The following ERC2 variants were observed in gnomAD, a reference collection of about 807,000 sequenced individuals.
ERC2 encodes ERC protein 2.
Under a neutral mutation model 114.8 loss-of-function variants are expected in ERC2, and 42 were observed. The observed-to-expected ratio is 0.37, with a 90% CI of 0.29 to 0.47. The LOEUF is 0.47. ERC2 is among the 20% of genes least tolerant of loss of function. The pLI is 0.99. For missense variants in ERC2, 939 were observed against 1,150.7 expected (o/e 0.82, Z 2.66); for synonymous variants, 454 against 425.5 (o/e 1.07, Z -0.82).
At chr3:55,922,265 A>G (rs2065472567) in intron 13 of ERC2, among the ~76,000 whole-genome samples, 1 of 152,108 alleles carries the variant, frequency 6.6e-6, no homozygotes. Flanking sequence ...TTGCTTCACT[A>G]AAATATAGCC....
intron 3 of ERC2, among the ~76,000 whole-genome samples, chr3:56,261,647 C>T (rs2052937744): frequency 6.6e-6 from 1 of 152,184 alleles, no homozygotes; most frequent in Admixed American, 6.5e-5. Flanking sequence ...CCACTTCCTA[C>T]AGGGAGCCTT....
chr3:56,374,158 G>A (rs771831668), intron 2 of ERC2, among the ~76,000 whole-genome samples: 14 of 152,170 alleles, frequency 9.2e-5, no homozygotes, highest in Non-Finnish European at 1.3e-4. Context: ...GTGCAGAGGC[G>A]AGATCTCAGC....
At chr3:56,007,810 G>T (rs1004514242) in intron 9 of ERC2, among the ~76,000 whole-genome samples, 2 of 151,886 alleles carry the variant, frequency 1.3e-5, no homozygotes, top group Non-Finnish European at 2.9e-5. Flanking sequence ...AATGATCAAT[G>T]GTTTTACAAA....
intron 14 of ERC2, among the ~76,000 whole-genome samples, chr3:55,748,178 A>G (rs1017767249): frequency 1.3e-5 from 2 of 152,202 alleles, no homozygotes; most frequent in African/African-American, 4.8e-5. Context: ...CCACCCTGGG[A>G]GGAGCGATTA....
chr3:56,347,333 T>G (rs899721757), intron 2 of ERC2, among the ~76,000 whole-genome samples: 1 of 152,090 alleles, frequency 6.6e-6, no homozygotes, highest in Non-Finnish European at 1.5e-5. Context: ...CTAGGGCTGG[T>G]GCTCTGTGAA....
chr3:56,212,146 C>G (rs2049103647), intron 3 of ERC2, among the ~76,000 whole-genome samples: 1 of 151,850 alleles, frequency 6.6e-6, no homozygotes, highest in Non-Finnish European at 1.5e-5. Flanking sequence ...ATAAAGAAAA[C>G]AGAGAACAGA....
intron 12 of ERC2, among the ~76,000 whole-genome samples, chr3:55,957,660 A>T (rs1054244396): frequency 2.6e-5 from 4 of 152,148 alleles, no homozygotes; most frequent in African/African-American, 7.2e-5. Flanking sequence ...GCATGGAGTG[A>T]TGAGGGGTGT....
At chr3:56,146,156 T>A (rs2081120310) in intron 5 of ERC2, among the ~76,000 whole-genome samples, 1 of 151,858 alleles carries the variant, frequency 6.6e-6, no homozygotes, top group African/African-American at 2.4e-5. Context: ...GGCATGGTGG[T>A]GTGCACCTGT....
chr3:55,875,736 T>A (rs1168893827), intron 14 of ERC2, among the ~76,000 whole-genome samples: 2 of 149,042 alleles, frequency 1.3e-5, no homozygotes, highest in Non-Finnish European at 3.0e-5. Context: ...TCTCTCTCTC[T>A]CACCCCTCTT....
chr3:55,929,293 C>G (rs563355656), intron 13 of ERC2, among the ~76,000 whole-genome samples: 2 of 152,310 alleles, frequency 1.3e-5, no homozygotes, highest in South Asian at 4.1e-4. Flanking sequence ...TCCACTGTCT[C>G]TGAGTCTCCA....
chr3:56,097,821 C>G (rs2078144202), intron 6 of ERC2, among the ~76,000 whole-genome samples: 1 of 152,148 alleles, frequency 6.6e-6, no homozygotes, highest in African/African-American at 2.4e-5. Context: ...TCTGAGCAGC[C>G]TGATATCCTA....
At chr3:56,432,863 T>C (rs756521230) in intron 2 of ERC2, among the ~76,000 whole-genome samples, 15 of 152,202 alleles carry the variant, frequency 9.9e-5, no homozygotes, top group Admixed American at 7.2e-4. Context: ...TGGTATCACA[T>C]TCCCTATGCC....
intron 14 of ERC2, among the ~76,000 whole-genome samples, chr3:55,865,373 A>T (rs888779007): frequency 6.6e-6 from 1 of 152,144 alleles, no homozygotes; most frequent in African/African-American, 2.4e-5. Flanking sequence ...CCTTTCAAAC[A>T]GGCTGTATAT....
chr3:56,064,643 CA>C (rs2076390424), intron 7 of ERC2, among the ~76,000 whole-genome samples: 1 of 152,174 alleles, frequency 6.6e-6, no homozygotes, highest in African/African-American at 2.4e-5. Flanking sequence ...CTGAGGCAAA[CA>C]GTAAATATAG....
intron 4 of ERC2, among the ~76,000 whole-genome samples, chr3:56,169,438 G>A (rs1225395479): frequency 1.3e-5 from 2 of 151,876 alleles, no homozygotes; most frequent in Non-Finnish European, 2.9e-5. Context: ...TTACTCTAAG[G>A]GTTGTGTTTT....
chr3:55,628,907 TAG>T (rs2059628906), intron 17 of ERC2, among the ~76,000 whole-genome samples: 1 of 152,100 alleles, frequency 6.6e-6, no homozygotes, highest in African/African-American at 2.4e-5. Context: ...TGATACTTTG[TAG>T]AGAGTGTCCT....
rs192031637 is a variant in ERC2 at position 55,548,257 on chromosome 3, G to A, written c.*40-36981C>T. ...TGCCACATGGGCAATGCCCTCCATA[G>A]CAGTTGTTTGAAAAGGACCTAGTGC... On this transcript the variant is annotated intron_variant, in intron 17 of 17. Transcript: ENST00000288221. Among the ~76,000 whole-genome samples the A allele has an allele frequency of 2.6e-3, 391 of 152,340 alleles. 2 individuals carry two copies. The highest frequency in any genetic ancestry group is 6.8e-3 in the Middle Eastern group (2 of 294).
At chr3:55,889,781 A>G (rs909535947) in intron 13 of ERC2, among the ~76,000 whole-genome samples, 3 of 152,206 alleles carry the variant, frequency 2.0e-5, no homozygotes, top group African/African-American at 4.8e-5. Flanking sequence ...AGGCTCATCC[A>G]TCACTAAAGT....
At chr3:56,116,056 C>A (rs1344595935) in intron 6 of ERC2, among the ~76,000 whole-genome samples, 2 of 152,182 alleles carry the variant, frequency 1.3e-5, no homozygotes, top group African/African-American at 4.8e-5. Flanking sequence ...TTTCTCCTCC[C>A]TCTCTCTGCC....
Sources: allele counts gnomAD v4.1 joint callset (sites outside exome capture counted in the v4.1 genomes callset), GRCh38; gene constraint gnomAD v4.1.1; transcripts MANE v1.5; gene names NCBI Gene and HGNC (gene_info 2026-07-23, HGNC 2026-07-21).